The following TENM2 variants were observed in gnomAD, a reference collection of about 807,000 sequenced individuals.
The protein encoded by TENM2 is teneurin transmembrane protein 2.
A neutral mutation model predicts 245.2 loss-of-function variants in TENM2; 52 were observed. The observed-to-expected ratio is 0.21, with a 90% CI of 0.17 to 0.27. The LOEUF is 0.27. Ranked by LOEUF, TENM2 falls within the 10% of genes least tolerant of loss-of-function variation. The pLI is 1.00. For synonymous variants in TENM2, 1,363 were observed against 1,438.9 expected, an observed-to-expected ratio of 0.95 and a Z score of 1.19; for missense variants, 3,046 against 3,666.8, an observed-to-expected ratio of 0.83 and a Z score of 4.37.
chr5:167,300,315 T>C (rs1755232423), intron 1 of TENM2, among the ~76,000 whole-genome samples: 1 of 152,150 alleles, frequency 6.6e-6, no homozygotes, highest in Admixed American at 6.5e-5. Flanking sequence ...GCCCAGGTAA[T>C]TTGCTGAGCC....
At chr5:168,024,013 A>G (rs548412936) in intron 5 of TENM2, among the ~76,000 whole-genome samples, 5 of 152,350 alleles carry the variant, frequency 3.3e-5, no homozygotes, top group African/African-American at 1.2e-4. Flanking sequence ...ATATATAAAC[A>G]TACATATGCA....
chr5:167,441,427 A>G (rs1241868045), intron 2 of TENM2, among the ~76,000 whole-genome samples: 1 of 152,190 alleles, frequency 6.6e-6, no homozygotes, highest in Non-Finnish European at 1.5e-5. Context: ...CTATAACGCT[A>G]TTGATAAATG....
At chr5:167,440,506 T>C (rs1582053479) in intron 2 of TENM2, among the ~76,000 whole-genome samples, 1 of 151,930 alleles carries the variant, frequency 6.6e-6, no homozygotes, top group South Asian at 2.1e-4. Context: ...TCTGTACATA[T>C]CATTTCTGTT....
intron 2 of TENM2, among the ~76,000 whole-genome samples, chr5:167,456,855 C>T (rs1765956118): frequency 6.6e-6 from 1 of 152,134 alleles, no homozygotes; most frequent in South Asian, 2.1e-4. Flanking sequence ...ATATGTTCTC[C>T]AATATGTGAA....
At chr5:167,793,354 G>A (rs377207382) in intron 2 of TENM2, among the ~76,000 whole-genome samples, 1 of 151,970 alleles carries the variant, frequency 6.6e-6, no homozygotes, top group Non-Finnish European at 1.5e-5. Flanking sequence ...AGGTTTAAAG[G>A]AGAAAATAAT....
intron 5 of TENM2, among the ~76,000 whole-genome samples, chr5:168,008,925 A>C (rs573924102): frequency 6.6e-6 from 1 of 152,160 alleles, no homozygotes; most frequent in Non-Finnish European, 1.5e-5. Context: ...CTTTATTATG[A>C]GAGGGCCTTT....
chr5:168,139,890 T>C (rs891383124), intron 12 of TENM2, among the ~76,000 whole-genome samples: 1 of 152,220 alleles, frequency 6.6e-6, no homozygotes, highest in African/African-American at 2.4e-5. Flanking sequence ...GATATTTGGA[T>C]TGTTATGTAT....
chr5:167,099,168 G>A, the TENM2 span, among the ~76,000 whole-genome samples: 1 of 152,172 alleles, frequency 6.6e-6, no homozygotes, highest in East Asian at 1.9e-4. Flanking sequence ...GCCAAGTTAT[G>A]TAGCCTCTCA....
intron 12 of TENM2, among the ~76,000 whole-genome samples, chr5:168,149,845 G>A (rs1362546329): frequency 6.6e-6 from 1 of 152,194 alleles, no homozygotes; most frequent in Non-Finnish European, 1.5e-5. Context: ...CCTCCTCTCT[G>A]TCCTTCCAAC....
intron 2 of TENM2, among the ~76,000 whole-genome samples, chr5:167,542,599 A>G (rs1192586722): frequency 6.6e-6 from 1 of 152,156 alleles, no homozygotes; most frequent in East Asian, 1.9e-4. Flanking sequence ...GCCAAATATG[A>G]AAAACAGTCA....
intron 2 of TENM2, among the ~76,000 whole-genome samples, chr5:167,813,517 G>T (rs1766803497): frequency 1.3e-5 from 2 of 151,986 alleles, no homozygotes. Context: ...GAAAACTTGG[G>T]GTTTGCTTCT....
At position 167,337,030 on chromosome 5, in the gene TENM2, T is replaced by C. The variant is rs941153626; in HGVS notation, c.227-38168T>C. On this transcript the variant is annotated intron_variant, in intron 1 of 28. Transcript: ENST00000518659. ...TACTGGGGAGGCTGAGGCAGGAGAA[T>C]GGCGTGAACCCGGGAAGCGGAGCTT... Among the ~76,000 whole-genome samples the C allele has an allele frequency of 2.4e-4, 33 of 136,088 alleles. No individual in the cohort carries two copies. The East Asian group carries it at 4.2e-3, about 17-fold the overall frequency. The allele number at this position is 136,088 out of a possible 152,430, so 89.3% of individuals were successfully genotyped here.
intron 2 of TENM2, among the ~76,000 whole-genome samples, chr5:167,465,465 A>C (rs1052485801): frequency 6.6e-6 from 1 of 152,116 alleles, no homozygotes; most frequent in South Asian, 2.1e-4. Context: ...CCATGATCTC[A>C]CTGGGACTCT....
the TENM2 span, among the ~76,000 whole-genome samples, chr5:167,001,308 T>A: frequency 6.6e-6 from 1 of 152,126 alleles, no homozygotes; most frequent in Non-Finnish European, 1.5e-5. Context: ...CGTGGGTTAC[T>A]CTTATTTTCT....
At chr5:167,014,140 CTT>C in the TENM2 span, among the ~76,000 whole-genome samples, 1,055 of 128,646 alleles carry the variant, frequency 8.2e-3, 31 homozygotes, top group Non-Finnish European at 0.013. Context: ...AAAACCAATT[CTT>C]TTTTTTTTTT....
intron 5 of TENM2, among the ~76,000 whole-genome samples, chr5:168,044,085 C>T (rs1279810784): frequency 1.3e-5 from 2 of 152,114 alleles, no homozygotes; most frequent in Non-Finnish European, 2.9e-5. Context: ...TAAGATAATG[C>T]CTTTAGAATG....
At chr5:167,227,640 C>G in the TENM2 span, among the ~76,000 whole-genome samples, 31,476 of 151,998 alleles carry the variant, frequency 0.21, 3,812 homozygotes, top group African/African-American at 0.33. Flanking sequence ...CTCTGATGGG[C>G]GTTTCTTTAT....
At chr5:168,215,063 A>G (rs1324176194) in exon 21 of TENM2, 1 of 1,613,704 alleles carries the variant, frequency 6.2e-7, no homozygotes, top group Admixed American at 1.7e-5. Context: ...CACAAGTACT[A>G]CTTGGCAGTG....
intron 3 of TENM2, among the ~76,000 whole-genome samples, chr5:167,951,219 T>C (rs1000541437): frequency 2.0e-5 from 3 of 152,216 alleles, no homozygotes; most frequent in African/African-American, 4.8e-5. Flanking sequence ...TTGAAATTTG[T>C]GTCAAATTGC....
Sources: allele counts gnomAD v4.1 joint callset (sites outside exome capture counted in the v4.1 genomes callset), GRCh38; gene constraint gnomAD v4.1.1; transcripts MANE v1.5; gene names NCBI Gene and HGNC (gene_info 2026-07-23, HGNC 2026-07-21).